FBXW7: variants seen among roughly 807,000 people sequenced by gnomAD.
FBXW7 encodes the protein F-box and WD repeat domain containing 7, also known as F-box/WD repeat-containing protein 7.
In FBXW7, 11 loss-of-function variants were observed where a neutral mutation model predicts 86.3. The ratio of observed to expected loss-of-function variants is 0.13; its 90% CI spans 0.08 to 0.21. FBXW7 has a LOEUF of 0.21. FBXW7 is among the 10% of genes least tolerant of loss of function. The pLI is 1.00. For synonymous variants in FBXW7, 313 were observed against 297.9 expected (o/e 1.05, Z -0.52); for missense variants, 488 against 847.4 (o/e 0.58, Z 5.27).
intron 2 of FBXW7, among the ~76,000 whole-genome samples, chr4:152,420,656 A>G (rs1184494954): frequency 5.9e-5 from 9 of 152,188 alleles, no homozygotes; most frequent in Admixed American, 5.9e-4. Flanking sequence ...AAAAAATAGG[A>G]ATCTCCTTGT....
At chr4:152,527,909 T>TAC (rs1488764682) in intron 2 of FBXW7, among the ~76,000 whole-genome samples, 17 of 149,228 alleles carry the variant, frequency 1.1e-4, no homozygotes, top group African/African-American at 3.2e-4. Flanking sequence ...CACATATATA[T>TAC]ACACACACAC....
At chr4:152,332,474 T>C (rs1201306750) in intron 8 of FBXW7, 122 bp downstream of exon 8, 2 of 1,023,148 alleles carry the variant, frequency 2.0e-6, no homozygotes, top group African/African-American at 3.3e-5. Context: ...TCTGAATGTG[T>C]AGAATAATCT....
intron 2 of FBXW7, among the ~76,000 whole-genome samples, chr4:152,513,513 T>C (rs1748186516): frequency 6.6e-6 from 1 of 152,196 alleles, no homozygotes; most frequent in Admixed American, 6.5e-5. Flanking sequence ...TAATAATGTA[T>C]GTCTGAATGT....
At chr4:152,524,456 T>C (rs1191265485) in intron 2 of FBXW7, among the ~76,000 whole-genome samples, 3 of 152,174 alleles carry the variant, frequency 2.0e-5, no homozygotes, top group Non-Finnish European at 2.9e-5. Flanking sequence ...CACCCTAAAA[T>C]AACACTGATT....
intron 2 of FBXW7, among the ~76,000 whole-genome samples, chr4:152,430,890 T>C (rs551822222): frequency 6.6e-6 from 1 of 151,966 alleles, no homozygotes; most frequent in South Asian, 2.1e-4. Context: ...ATTCAGGGTA[T>C]ATACCTTTGG....
chr4:152,488,727 T>G (rs1157489483), intron 2 of FBXW7, among the ~76,000 whole-genome samples: 1 of 152,090 alleles, frequency 6.6e-6, no homozygotes, highest in Non-Finnish European at 1.5e-5. Context: ...TTCTCTTGTG[T>G]TTTCCCATAA....
chr4:152,336,970 A>C (rs954585776), intron 7 of FBXW7, among the ~76,000 whole-genome samples: 8 of 152,062 alleles, frequency 5.3e-5, no homozygotes, highest in South Asian at 2.1e-4. Context: ...TTCTTAGCTG[A>C]CATATAACTA....
chr4:152,334,415 A>G (rs1396747130), intron 7 of FBXW7, among the ~76,000 whole-genome samples: 1 of 152,228 alleles, frequency 6.6e-6, no homozygotes, highest in African/African-American at 2.4e-5. Context: ...TGGTGTTACC[A>G]TTACTAATCT....
chr4:152,321,952 T>C lies in FBXW7; in HGVS notation c.*929A>G. On this transcript the variant is annotated 3_prime_UTR_variant, in exon 14 of 14. Transcript: ENST00000281708. Reference sequence around the variant, plus strand: ...ATTCTCAGCCTCTTAGAGGCACAGATGGCTCAAGTTTCAGTGGCAAAAAGT... The same window carrying C: ...ATTCTCAGCCTCTTAGAGGCACAGACGGCTCAAGTTTCAGTGGCAAAAAGT... 1 of 233,068 alleles carries C rather than the reference T, an allele frequency of 4.3e-6. No individual in the cohort carries two copies. Among genetic ancestry groups the C allele is most frequent in the South Asian group, 1.8e-4 (1 of 5,520 alleles). The allele number at this position is 233,068 out of a possible 1,614,324, so 14.4% of individuals were successfully genotyped here.
intron 4 of FBXW7, among the ~76,000 whole-genome samples, chr4:152,352,215 T>C (rs1457740661): frequency 6.6e-6 from 1 of 152,196 alleles, no homozygotes; most frequent in East Asian, 1.9e-4. Context: ...CAGAGCCACA[T>C]TTCTAAAGTC....
chr4:152,529,842 C>A lies in FBXW7; in HGVS notation c.-120+5099G>T, dbSNP rs997605736. Among the ~76,000 whole-genome samples the A allele has an allele frequency of 7.9e-5, 12 of 151,926 alleles. No homozygotes were observed. The East Asian group carries it at 2.3e-3, about 29-fold the overall frequency. ...GCTAAAACACACACACATATACCCT[C>A]GAGGCTCTCTAATTCCCTATCAATC... On this transcript the variant is annotated intron_variant, in intron 2 of 13. Transcript: ENST00000281708.
intron 2 of FBXW7, among the ~76,000 whole-genome samples, chr4:152,432,406 C>G (rs1044053379): frequency 6.6e-6 from 1 of 152,068 alleles, no homozygotes; most frequent in Non-Finnish European, 1.5e-5. Flanking sequence ...TTTTAATTTG[C>G]CTTCAATTAA....
intron 4 of FBXW7, among the ~76,000 whole-genome samples, chr4:152,365,313 A>C (rs914465599): frequency 6.6e-6 from 1 of 152,164 alleles, no homozygotes; most frequent in African/African-American, 2.4e-5. Context: ...CTAATGCTGC[A>C]TAGTAGTTAA....
chr4:152,366,898 T>C (rs1217508230), intron 4 of FBXW7, among the ~76,000 whole-genome samples: 1 of 152,150 alleles, frequency 6.6e-6, no homozygotes, highest in Non-Finnish European at 1.5e-5. Context: ...AATGATAGAC[T>C]GGATTAAGAA....
intron 2 of FBXW7, among the ~76,000 whole-genome samples, chr4:152,524,469 C>T (rs1268748714): frequency 6.6e-6 from 1 of 152,194 alleles, no homozygotes; most frequent in Admixed American, 6.5e-5. Context: ...CACTGATTAT[C>T]CCATACAAAC....
At position 152,321,502 on chromosome 4, in the gene FBXW7, T is replaced by C. The variant is rs746625157; in HGVS notation, c.*1379A>G. On this transcript the variant is annotated 3_prime_UTR_variant, in exon 14 of 14. Transcript: ENST00000281708. ...ATACAGTGTTAAACCACTTTCACAG[T>C]TCAGCTTGAGTTGTGGCTCTTGGAG... is the stretch of plus-strand genomic sequence containing the variant. 42 of 233,002 alleles carry C rather than the reference T, an allele frequency of 1.8e-4. No homozygotes were observed. Among genetic ancestry groups the C allele is most frequent in the Non-Finnish European group, 3.5e-4 (41 of 117,696 alleles). 14.4% of individuals were successfully genotyped at this position (233,002 alleles called of 1,614,324 possible).
intron 2 of FBXW7, among the ~76,000 whole-genome samples, chr4:152,527,457 A>G (rs767597595): frequency 2.0e-5 from 3 of 152,182 alleles, no homozygotes; most frequent in Non-Finnish European, 2.9e-5. Flanking sequence ...ATGCAATCCT[A>G]AAAGGCTGTT....
intron 2 of FBXW7, among the ~76,000 whole-genome samples, chr4:152,527,458 A>T (rs1429585245): frequency 6.6e-6 from 1 of 152,152 alleles, no homozygotes; most frequent in Non-Finnish European, 1.5e-5. Context: ...TGCAATCCTA[A>T]AAGGCTGTTA....
intron 2 of FBXW7, among the ~76,000 whole-genome samples, chr4:152,510,884 A>G (rs1747897827): frequency 6.6e-6 from 1 of 152,140 alleles, no homozygotes; most frequent in African/African-American, 2.4e-5. Context: ...AAGTTGCTGC[A>G]ATATAAATTA....
Sources: gnomAD v4.1 joint callset for allele counts (sites outside exome capture counted in the v4.1 genomes callset) on GRCh38, gnomAD v4.1.1 for gene constraint, MANE v1.5 for transcripts, NCBI Gene and HGNC (gene_info 2026-07-23, HGNC 2026-07-21) for gene names.